PIK3CD: variants seen among roughly 807,000 people sequenced by gnomAD.
The protein encoded by PIK3CD is phosphatidylinositol 4,5-bisphosphate 3-kinase catalytic subunit delta isoform.
PIK3CD carries 20 observed loss-of-function variants against 122.9 expected under a neutral mutation model. The ratio of observed to expected loss-of-function variants is 0.16; its 90% CI spans 0.11 to 0.24. The LOEUF is 0.24. Among genes scored for constraint, PIK3CD ranks in the 10% least tolerant of loss-of-function variants. The pLI is 1.00. For synonymous variants in PIK3CD, 596 were observed against 593.4 expected, an observed-to-expected ratio of 1.00 and a Z score of -0.06; for missense variants, 787 against 1,406.3, an observed-to-expected ratio of 0.56 and a Z score of 7.04.
intron 1 of PIK3CD, among the ~76,000 whole-genome samples, chr1:9,673,960 A>C (rs1362973579): frequency 6.6e-6 from 1 of 152,206 alleles, no homozygotes; most frequent in African/African-American, 2.4e-5. Flanking sequence ...CTCTGTGGGC[A>C]TGCAGAGACA....
intron 1 of PIK3CD, among the ~76,000 whole-genome samples, chr1:9,682,457 C>T (rs1645792444): frequency 6.6e-6 from 1 of 152,144 alleles, no homozygotes; most frequent in African/African-American, 2.4e-5. Flanking sequence ...AGGCTGGTCT[C>T]GAACTTCTGA....
chr1:9,643,384 G>C, the PIK3CD span, among the ~76,000 whole-genome samples: 1 of 146,716 alleles, frequency 6.8e-6, no homozygotes, highest in Non-Finnish European at 1.5e-5. Context: ...CTCCAGCCTG[G>C]GTGACAGAGT....
At position 9,720,290 on chromosome 1, in the gene PIK3CD, C is replaced by G; in HGVS notation, c.1470+48C>G. 1 of 1,574,932 alleles carries G rather than the reference C, an allele frequency of 6.3e-7. No homozygotes were observed. Among genetic ancestry groups the G allele is most frequent in the Non-Finnish European group, 8.6e-7 (1 of 1,156,888 alleles). ...GAGGCTGAGGGGCTGGCGCGGAGCTCTCCTGGCCCTGCTCCTGGAGCTCTT... is the reference window on the plus strand; with the variant it reads ...GAGGCTGAGGGGCTGGCGCGGAGCTGTCCTGGCCCTGCTCCTGGAGCTCTT... On this transcript the variant is annotated intron_variant, in intron 11 of 23. Transcript: ENST00000377346. The surrounding 1 kb of genome is among the most constrained non-coding windows in gnomAD (Gnocchi z 9.0).
intron 2 of PIK3CD, among the ~76,000 whole-genome samples, chr1:9,706,958 C>T (rs1339169313): frequency 1.3e-5 from 2 of 151,262 alleles, no homozygotes; most frequent in Non-Finnish European, 2.9e-5. Flanking sequence ...GCACGCTCCA[C>T]CATGCTTGGC....
intron 1 of PIK3CD, among the ~76,000 whole-genome samples, chr1:9,657,071 T>C (rs572964688): frequency 1.3e-5 from 2 of 152,236 alleles, no homozygotes; most frequent in African/African-American, 4.8e-5. Context: ...CTCTTCCTTC[T>C]GGGGGCTCCA....
intron 2 of PIK3CD, among the ~76,000 whole-genome samples, chr1:9,693,897 G>A (rs1646301426): frequency 6.6e-6 from 1 of 152,122 alleles, no homozygotes; most frequent in Admixed American, 6.5e-5. Context: ...TGGGCTGGAA[G>A]CAGGAAGATT....
chr1:9,686,482 G>A (rs751302430), intron 1 of PIK3CD, among the ~76,000 whole-genome samples: 5 of 151,694 alleles, frequency 3.3e-5, no homozygotes, highest in South Asian at 2.1e-4. Context: ...GATTACAGGC[G>A]TGAGCCACCG....
chr1:9,629,153 G>GC, the PIK3CD span, among the ~76,000 whole-genome samples: 3 of 152,126 alleles, frequency 2.0e-5, no homozygotes, highest in African/African-American at 7.2e-5. Flanking sequence ...GTGAGTTGCG[G>GC]CCCCGGGAGG....
At chr1:9,667,920 T>G (rs1021955272) in intron 1 of PIK3CD, among the ~76,000 whole-genome samples, 1 of 146,120 alleles carries the variant, frequency 6.8e-6, no homozygotes, top group African/African-American at 2.5e-5. Flanking sequence ...TTTTTTTTTT[T>G]TTTTTTTTTT....
chr1:9,653,366 T>G (rs902501079), intron 1 of PIK3CD: 7 of 187,360 alleles, frequency 3.7e-5, no homozygotes, highest in Non-Finnish European at 8.0e-5. Context: ...TGTCTTCATT[T>G]TACAGTTAAG....
intron 1 of PIK3CD, among the ~76,000 whole-genome samples, chr1:9,667,665 C>T (rs1311057399): frequency 2.0e-5 from 3 of 152,100 alleles, no homozygotes; most frequent in South Asian, 2.1e-4. Flanking sequence ...CGTGAGCCAC[C>T]GTGCCCGGCC....
chr1:9,689,857 G>C lies in PIK3CD; in HGVS notation c.-137-1610G>C, dbSNP rs867898360. On this transcript the variant is annotated intron_variant, in intron 1 of 23. Coordinates refer to ENST00000377346, the MANE Select transcript of PIK3CD (RefSeq NM_005026.5). The surrounding 1 kb of genome is among the most constrained non-coding windows in gnomAD (Gnocchi z 6.1). ...GGCAGGGTCGGTGGAGGCGATCAGG[G>C]GTCCGGGGCCGTGGGGGCTTGGGGG... Among the ~76,000 whole-genome samples the C allele has an allele frequency of 7.2e-5, 11 of 151,810 alleles. No individual in the cohort carries two copies. The highest frequency in any genetic ancestry group is 7.4e-5 in the Non-Finnish European group (5 of 67,816).
At chr1:9,705,181 A>G (rs899998849) in intron 2 of PIK3CD, among the ~76,000 whole-genome samples, 1 of 151,950 alleles carries the variant, frequency 6.6e-6, no homozygotes, top group Non-Finnish European at 1.5e-5. Flanking sequence ...AAAAACTTCT[A>G]CTCACCAGGC....
chr1:9,685,911 G>A (rs1645948506), intron 1 of PIK3CD, among the ~76,000 whole-genome samples: 1 of 152,140 alleles, frequency 6.6e-6, no homozygotes, highest in Non-Finnish European at 1.5e-5. Context: ...CCACTCAGCA[G>A]TGGTGTCTTA....
At chr1:9,635,490 G>C in the PIK3CD span, among the ~76,000 whole-genome samples, 1 of 152,094 alleles carries the variant, frequency 6.6e-6, no homozygotes, top group Admixed American at 6.6e-5. Context: ...CACGCTCCAG[G>C]TGTCTAAAGA....
Position 9,715,992 on chromosome 1 carries a change from G to A in PIK3CD, c.514G>A (p.Glu172Lys). Residue 172 changes from glutamate to lysine, a missense_variant, in exon 5 of 24, where the codon GAG (glutamate) becomes AAG (lysine). By Grantham distance (56) the Glu-to-Lys change is moderately conservative (BLOSUM62 1). Transcript: ENST00000377346. This position sits in a 1 kb window ranked among gnomAD's most constrained non-coding sequence, Gnocchi z 4.1. ...WLQYSFPLQL[E>K]PSAQTWGPGT... ...GCAGTACAGTTTCCCCCTGCAGCTG[G>A]AGCCCTCGGCTCAAACCTGGGGGCC... 1 of 1,612,574 alleles carries A rather than the reference G, an allele frequency of 6.2e-7. No individual in the cohort carries two copies. Among genetic ancestry groups the A allele is most frequent in the East Asian group, 2.2e-5 (1 of 44,878 alleles).
Position 9,723,064 on chromosome 1 carries a change from A to G in PIK3CD, c.2427-61A>G, listed in dbSNP as rs1034607393. The G allele has an allele frequency of 4.5e-6, 7 of 1,545,622 alleles. No homozygotes were observed. The highest frequency in any genetic ancestry group is 5.4e-6 in the Non-Finnish European group (6 of 1,119,612). On this transcript the variant is annotated intron_variant, in intron 19 of 23. Transcript: ENST00000377346. This position sits in a 1 kb window ranked among gnomAD's most constrained non-coding sequence, Gnocchi z 4.9. ...GGGCACCATGAGTTTCTGGGGCTCA[A>G]GTGGCCTCAGGGACAGCCCTTGACC... is the stretch of plus-strand genomic sequence containing the variant.
chr1:9,701,576 G>A (rs140321108), intron 2 of PIK3CD, among the ~76,000 whole-genome samples: 1 of 151,606 alleles, frequency 6.6e-6, no homozygotes, highest in African/African-American at 2.4e-5. Context: ...GGCTGAGGCA[G>A]GAGAATTGTT....
chr1:9,720,237 GAGA>G lies in PIK3CD; in HGVS notation c.1468_1470del (p.Lys490del). The G allele has an allele frequency of 6.2e-7, 1 of 1,604,932 alleles. No individual in the cohort carries two copies. The highest frequency in any genetic ancestry group is 8.5e-7 in the Non-Finnish European group (1 of 1,173,868). On this transcript the variant is annotated inframe_deletion and splice_region_variant, in exon 11 of 24. Coordinates refer to ENST00000377346, the MANE Select transcript of PIK3CD (RefSeq NM_005026.5). The surrounding 1 kb of genome is among the most constrained non-coding windows in gnomAD (Gnocchi z 9.0). The stretch of plus-strand genomic sequence containing the variant: ...GCACCCCGTGTACTACCCCGCCCTG[GAGA>G]AGGTCAGTGGGGGCCCCGCCGCGTG...
Sources: gnomAD v4.1 joint callset for allele counts (sites outside exome capture counted in the v4.1 genomes callset) on GRCh38, gnomAD v4.1.1 for gene constraint, Gnocchi (gnomAD v3.1) non-coding constraint, MANE v1.5 for transcripts, NCBI Gene and HGNC (gene_info 2026-07-23, HGNC 2026-07-21) for gene names.